ARMCX4: variants seen among roughly 807,000 people sequenced by gnomAD.
The protein encoded by ARMCX4 is armadillo repeat containing X-linked 4, also known as armadillo repeat-containing X-linked protein 4.
Under a neutral mutation model 34.7 loss-of-function variants are expected in ARMCX4, and 3 were observed. The observed-to-expected ratio is 0.09, with a 90% CI of 0.04 to 0.22. The LOEUF is 0.22. Among genes scored for constraint, ARMCX4 ranks in the 10% least tolerant of loss-of-function variants. The probability of loss-of-function intolerance (pLI) is 1.00; values close to 1 mark genes in which losing one functional copy is unlikely to be tolerated. For missense variants in ARMCX4, 1,448 were observed against 1,720.8 expected, an observed-to-expected ratio of 0.84 and a Z score of 2.81; for synonymous variants, 513 against 632.8, an observed-to-expected ratio of 0.81 and a Z score of 2.84.
chrX:101,490,613 G>C lies in ARMCX4; in HGVS notation c.2024G>C (p.Ser675Thr), dbSNP rs1476877401. 5.2e-6 allele frequency: 6 copies of C among 1,154,000 alleles called. No homozygotes were observed. Among genetic ancestry groups the C allele is most frequent in the Non-Finnish European group, 4.6e-6 (4 of 872,432 alleles). Reference protein sequence around the residue: ...MGTAQLQIMASSKGEALLDSK... With the variant: ...MGTAQLQIMATSKGEALLDSK... ...ACTGCCCAGCTTCAGATTATGGCCA[G>C]TTCCAAGGGTGAGGCCTTGCTTGAT... The change falls in exon 6 of 6, where the codon AGT becomes ACT. Residue 675 changes from serine to threonine, a missense_variant. Ser to Thr is a moderately conservative substitution (Grantham distance 58). Around this residue, in one of 2 missense-constraint regions of ARMCX4, gnomAD observed 1,343 missense variants for 1,540.7 expected, o/e 0.87. Coordinates refer to ENST00000423738, the MANE Select transcript of ARMCX4 (RefSeq NM_001256155.3).
intron 2 of ARMCX4, among the ~76,000 whole-genome samples, chrX:101,435,324 A>G (rs1224358807): frequency 3.7e-4 from 41 of 111,226 alleles, no homozygotes; most frequent in South Asian, 1.5e-3. Flanking sequence ...TTTAATGATC[A>G]CCATTCTAAC....
chrX:101,534,927 T>C (rs1556023149), downstream of ARMCX4, among the ~76,000 whole-genome samples: 4 of 111,841 alleles, frequency 3.6e-5, no homozygotes, highest in East Asian at 2.8e-4. Context: ...CGAACTTCTA[T>C]AGAATATAAA....
rs985277297 is a variant in ARMCX4, at chrX:101,493,828, T to G, written c.5239T>G (p.Cys1747Gly). The change falls in exon 6 of 6, where the codon TGC becomes GGC. Residue 1747 changes from cysteine to glycine, a missense_variant. Cys to Gly is a radical substitution (Grantham distance 159). Transcript: ENST00000423738. Reference sequence around the variant, plus strand: ...AGCTGAGGCCGTTATAGGGTCTTGGTGCTGGACAGAGGAAAAAGCTGATAT... The same window carrying G: ...AGCTGAGGCCGTTATAGGGTCTTGGGGCTGGACAGAGGAAAAAGCTGATAT... ...PGAEAVIGSW[C>G]WTEEKADIVS... The G allele has an allele frequency of 1.7e-5, 20 of 1,152,856 alleles. No individual in the cohort carries two copies. Among genetic ancestry groups the G allele is most frequent in the Non-Finnish European group, 2.3e-5 (20 of 872,122 alleles).
intron 2 of ARMCX4, among the ~76,000 whole-genome samples, chrX:101,441,044 A>G (rs1361953028): frequency 2.7e-5 from 3 of 110,967 alleles, no homozygotes; most frequent in Non-Finnish European, 5.7e-5. Context: ...AAATGCAGAA[A>G]TCACCTGTCT....
At chrX:101,508,765 C>T (rs1556015769) in intron 8 of ARMCX4, among the ~76,000 whole-genome samples, 1 of 111,635 alleles carries the variant, frequency 9.0e-6, no homozygotes, top group Non-Finnish European at 1.9e-5. Context: ...GTCAAAATAA[C>T]ATACTTATAT....
chrX:101,475,383 T>TG (rs367685887), intron 4 of ARMCX4, among the ~76,000 whole-genome samples: 18 of 110,729 alleles, frequency 1.6e-4, no homozygotes, highest in African/African-American at 4.6e-4. Context: ...TGACAAAAGT[T>TG]GGGGGGGTGT....
downstream of ARMCX4, among the ~76,000 whole-genome samples, chrX:101,535,554 A>T (rs148500989): frequency 4.7e-3 from 529 of 112,105 alleles, 1 homozygote; most frequent in African/African-American, 0.016. Context: ...ATGTATATAA[A>T]CATTTTCCTT....
At chrX:101,514,985 C>T (rs1002695844) in intron 11 of ARMCX4, among the ~76,000 whole-genome samples, 3 of 111,972 alleles carry the variant, frequency 2.7e-5, no homozygotes, top group Non-Finnish European at 1.9e-5. Context: ...AATGCTCTCA[C>T]TTTAACATCA....
Position 101,455,665 on chromosome X carries a change from T to C in ARMCX4, c.-473+9621T>C, listed in dbSNP as rs782189024. On this transcript the variant is annotated intron_variant and NMD_transcript_variant, in intron 4 of 15. Coordinates refer to the ARMCX4 transcript ENST00000433011. The stretch of plus-strand genomic sequence containing the variant: ...AAAGAAGATATATGAATACTTTTTT[T>C]CTCAACTTTTATTTTAGTTTCGGGG... 2.7e-5 allele frequency among the ~76,000 whole-genome samples: 3 copies of C among 112,147 alleles called. No homozygotes were observed. In the Admixed American group the frequency reaches 2.8e-4, roughly 11 times the overall value.
At chrX:101,431,648 A>T (rs1930017722) in intron 2 of ARMCX4, among the ~76,000 whole-genome samples, 1 of 110,534 alleles carries the variant, frequency 9.0e-6, no homozygotes, top group African/African-American at 3.3e-5. Flanking sequence ...GGTTCATGCC[A>T]TTCTCCTGCC....
intron 7 of ARMCX4, among the ~76,000 whole-genome samples, chrX:101,503,919 G>A (rs1301280902): frequency 9.0e-6 from 1 of 111,175 alleles, no homozygotes; most frequent in Non-Finnish European, 1.9e-5. Context: ...TATGGTTTTA[G>A]GTCTAATATT....
At chrX:101,527,341 G>A (rs781808839) in intron 11 of ARMCX4, among the ~76,000 whole-genome samples, 1 of 111,955 alleles carries the variant, frequency 8.9e-6, no homozygotes, top group African/African-American at 3.3e-5. Flanking sequence ...AGTGTGTAGA[G>A]TGAAATTTAT....
In ARMCX4 at chrX:101,441,698, A is replaced by G. The variant is rs781948883; in HGVS notation, n.165-2354A>G. Reference sequence around the variant, plus strand: ...AGGCAGGCCACCCACAACCGCCCCAAACACTGAGTCATTTTCAATTATGTG... The same window carrying G: ...AGGCAGGCCACCCACAACCGCCCCAGACACTGAGTCATTTTCAATTATGTG... On this transcript the variant is annotated intron_variant and non_coding_transcript_variant, in intron 2 of 3. Transcript: ENST00000430461. 5.4e-5 allele frequency among the ~76,000 whole-genome samples: 6 copies of G among 111,452 alleles called. No homozygotes were observed. In the South Asian group the frequency reaches 2.3e-3, roughly 42 times the overall value.
chrX:101,503,651 A>C (rs1258727459), intron 7 of ARMCX4, among the ~76,000 whole-genome samples: 4 of 110,888 alleles, frequency 3.6e-5, no homozygotes, highest in Non-Finnish European at 7.6e-5. Flanking sequence ...TTTTCTTGTA[A>C]ATTTATTTGA....
chrX:101,477,430 C>CAA (rs1156582627), intron 4 of ARMCX4, among the ~76,000 whole-genome samples: 1,831 of 12,476 alleles, frequency 0.15, 705 homozygotes, highest in Middle Eastern at 0.25. Context: ...GACTCTGTCT[C>CAA]AAAAAAAAAA....
chrX:101,423,012 C>T (rs951709514), intron 2 of ARMCX4, among the ~76,000 whole-genome samples: 1 of 110,399 alleles, frequency 9.1e-6, no homozygotes, highest in Non-Finnish European at 1.9e-5. Context: ...TGGGCTCAAG[C>T]GATTCTCCTG....
At chrX:101,458,413 T>C (rs1932424964) in intron 4 of ARMCX4, among the ~76,000 whole-genome samples, 1 of 111,394 alleles carries the variant, frequency 9.0e-6, no homozygotes, top group East Asian at 2.8e-4. Context: ...CATTTCGTTA[T>C]GCTTCATATA....
At chrX:101,434,097 C>T (rs1555993487) in intron 2 of ARMCX4, among the ~76,000 whole-genome samples, 2 of 109,294 alleles carry the variant, frequency 1.8e-5, no homozygotes, top group Admixed American at 9.9e-5. Flanking sequence ...AGGCACATGC[C>T]ACCATGCCTG....
At chrX:101,519,067 T>C in intron 11 of ARMCX4, among the ~76,000 whole-genome samples, 1 of 111,284 alleles carries the variant, frequency 9.0e-6, no homozygotes, top group South Asian at 3.7e-4. Context: ...ATAAAATATA[T>C]ATTAGGCATT....
Sources: gnomAD v4.1 joint callset for allele counts (sites outside exome capture counted in the v4.1 genomes callset) on GRCh38, gnomAD v4.1.1 for gene constraint, gnomAD v4.1.1 regional missense constraint, MANE v1.5 for transcripts, NCBI Gene and HGNC (gene_info 2026-07-23, HGNC 2026-07-21) for gene names.